Variants in ARHGEF33 observed in about 807,000 individuals in gnomAD.
The protein encoded by ARHGEF33 is DH and coiled-coil domain-containing protein ENSP00000381780.
Under a neutral mutation model 101.9 loss-of-function variants are expected in ARHGEF33, and 72 were observed. The observed-to-expected ratio is 0.71, with a 90% CI of 0.58 to 0.86. ARHGEF33 has a LOEUF of 0.86. ARHGEF33 is among the 40% of genes least tolerant of loss of function. The pLI is 0.00. For synonymous variants in ARHGEF33, 499 were observed against 442.5 expected, an observed-to-expected ratio of 1.13 and a Z score of -1.60; for missense variants, 1,169 against 1,111.3, an observed-to-expected ratio of 1.05 and a Z score of -0.74.
Position 38,890,374 on chromosome 2 carries a change from A to G in ARHGEF33, c.-159+388A>G, listed in dbSNP as rs1665969218. On this transcript the variant is annotated intron_variant, in intron 1 of 17. Coordinates refer to ENST00000409978, the MANE Select transcript of ARHGEF33 (RefSeq NM_001145451.5). Reference sequence around the variant, plus strand: ...TGGGATTAAGAATAATTAAAGAATGAAAAAGATTAGGGATGGAGGGAGATT... The same window carrying G: ...TGGGATTAAGAATAATTAAAGAATGGAAAAGATTAGGGATGGAGGGAGATT... Among the ~76,000 whole-genome samples, 2 of 152,204 alleles carry G rather than the reference A, an allele frequency of 1.3e-5. 1 individual carries two copies. The highest frequency in any genetic ancestry group is 1.3e-4 in the Admixed American group (2 of 15,278).
In ARHGEF33 at chr2:38,960,591, C is replaced by G. The variant is rs1341702571; in HGVS notation, c.2286C>G (p.Thr762=). Residue 762 remains threonine, a synonymous_variant, in exon 16 of 18, where the codon ACC becomes ACG. Coordinates refer to ENST00000409978, the MANE Select transcript of ARHGEF33 (RefSeq NM_001145451.5). ...AAVAARGASR[T]FFPQQRSQSE... ...TCGCCGCCCGCGGCGCATCCAGGAC[C>G]TTCTTCCCCCAACAGAGGTCCCAAA... 1.4e-6 allele frequency: 2 copies of G among 1,395,784 alleles called. No individual in the cohort carries two copies. Among genetic ancestry groups the G allele is most frequent in the South Asian group, 2.7e-5 (2 of 75,120 alleles). The allele number at this position is 1,395,784 out of a possible 1,614,324, so 86.5% of individuals were successfully genotyped here.
Position 38,919,491 on chromosome 2 carries a change from C to G in ARHGEF33, c.25+19C>G. The G allele has an allele frequency of 6.4e-7, 1 of 1,551,522 alleles. No individual in the cohort carries two copies. The highest frequency in any genetic ancestry group is 1.2e-5 in the South Asian group (1 of 84,034). On this transcript the variant is annotated intron_variant, in intron 3 of 17. Coordinates refer to ENST00000409978, the MANE Select transcript of ARHGEF33 (RefSeq NM_001145451.5). ...AAGCAAGGTCAGATTTTTCCTATGT[C>G]TTGCTTTAGGACTTAGGATTCAAGG...
chr2:38,900,002 C>A (rs556041620), intron 2 of ARHGEF33, among the ~76,000 whole-genome samples: 8 of 149,266 alleles, frequency 5.4e-5, no homozygotes, highest in South Asian at 2.2e-4. Flanking sequence ...CCAGCCTGGG[C>A]AAGAAAGTGA....
chr2:38,964,885 C>T (rs1668020207), intron 16 of ARHGEF33, among the ~76,000 whole-genome samples: 1 of 152,082 alleles, frequency 6.6e-6, no homozygotes, highest in African/African-American at 2.4e-5. Flanking sequence ...GCTCAAGAAG[C>T]TACATTTTAA....
At chr2:38,924,352 C>G (rs191660755) in intron 4 of ARHGEF33, among the ~76,000 whole-genome samples, 1 of 152,172 alleles carries the variant, frequency 6.6e-6, no homozygotes, top group Non-Finnish European at 1.5e-5. Flanking sequence ...GCACATACCC[C>G]TCTCAAAGTC....
At chr2:38,938,830 A>G (rs1667223931) in intron 9 of ARHGEF33, among the ~76,000 whole-genome samples, 1 of 152,210 alleles carries the variant, frequency 6.6e-6, no homozygotes, top group Non-Finnish European at 1.5e-5. Context: ...GGAATAACAC[A>G]GTGTACTCTT....
intron 16 of ARHGEF33, among the ~76,000 whole-genome samples, chr2:38,962,578 A>C (rs1667968371): frequency 6.6e-6 from 1 of 152,194 alleles, no homozygotes; most frequent in African/African-American, 2.4e-5. Flanking sequence ...GTCAGTTCAA[A>C]ATGAGATACC....
At chr2:38,964,881 G>A (rs1039801035) in intron 16 of ARHGEF33, among the ~76,000 whole-genome samples, 3 of 152,108 alleles carry the variant, frequency 2.0e-5, no homozygotes, top group African/African-American at 7.2e-5. Flanking sequence ...TGGGGCTCAA[G>A]AAGCTACATT....
chr2:38,955,111 C>G (rs1667706541), intron 13 of ARHGEF33, among the ~76,000 whole-genome samples: 1 of 152,176 alleles, frequency 6.6e-6, no homozygotes, highest in African/African-American at 2.4e-5. Context: ...CTAAATGCCA[C>G]CACCTGACAT....
rs1051519278 is a variant in ARHGEF33 at position 38,960,348 on chromosome 2, G to C, written c.2043G>C (p.Thr681=). The part of the protein sequence containing the change: ...HPLQPLPKSA[T]SPAGSSSAYK... ...TGCAGCCGCTGCCCAAGAGCGCTAC[G>C]TCGCCGGCGGGCAGCAGCAGCGCCT... The change falls in exon 16 of 18, where the codon ACG becomes ACC. Residue 681 remains threonine, a synonymous_variant. Transcript: ENST00000409978. The C allele has an allele frequency of 1.8e-5, 27 of 1,533,148 alleles. No individual in the cohort carries two copies. The African/African-American group carries it at 3.0e-4, about 17-fold the overall frequency. 95.0% of individuals were successfully genotyped at this position (1,533,148 alleles called of 1,614,324 possible). A position where few individuals can be genotyped will look rare whatever the true frequency, so the allele number is the denominator to read the frequency against.
chr2:38,956,171 G>A (rs890493326), intron 13 of ARHGEF33, among the ~76,000 whole-genome samples: 1 of 152,102 alleles, frequency 6.6e-6, no homozygotes, highest in Non-Finnish European at 1.5e-5. Flanking sequence ...CTGAAACCCA[G>A]GTTTTGCAAA....
At chr2:38,954,337 A>C in intron 12 of ARHGEF33, 36 bp from the exon 13 acceptor site, 1 of 1,281,048 alleles carries the variant, frequency 7.8e-7, no homozygotes, top group South Asian at 1.3e-5. Flanking sequence ...CAGCTGGAGG[A>C]ACACTGAAGA....
At chr2:38,953,992 C>A (rs1056597194) in intron 12 of ARHGEF33, among the ~76,000 whole-genome samples, 1 of 152,232 alleles carries the variant, frequency 6.6e-6, no homozygotes, top group African/African-American at 2.4e-5. Context: ...TCCTGAAGCG[C>A]CAAGTCTCCC....
intron 17 of ARHGEF33, among the ~76,000 whole-genome samples, chr2:38,967,828 C>T (rs573887983): frequency 6.6e-6 from 1 of 151,140 alleles, no homozygotes; most frequent in Non-Finnish European, 1.5e-5. Flanking sequence ...GATCCATCTG[C>T]CTCGGCCTCC....
rs769895530 is a variant in ARHGEF33, at chr2:38,929,082, C to T, written c.240+11C>T. 1.6e-4 allele frequency: 253 copies of T among 1,539,544 alleles called. No individual in the cohort carries two copies. Among genetic ancestry groups the T allele is most frequent in the Non-Finnish European group, 2.1e-4 (237 of 1,141,916 alleles). On this transcript the variant is annotated intron_variant, in intron 5 of 17. Transcript: ENST00000409978. Reference sequence around the variant, plus strand: ...TTAAACTATTTCAAGGTAGGCCTCTCTTTAATTTCCCTGCTGACAAGAGAA... The same window carrying T: ...TTAAACTATTTCAAGGTAGGCCTCTTTTTAATTTCCCTGCTGACAAGAGAA...
intron 2 of ARHGEF33, among the ~76,000 whole-genome samples, chr2:38,899,069 A>G (rs1666184610): frequency 6.6e-6 from 1 of 152,096 alleles, no homozygotes; most frequent in Non-Finnish European, 1.5e-5. Flanking sequence ...TAATACGAAT[A>G]AATAAACTTC....
intron 11 of ARHGEF33, among the ~76,000 whole-genome samples, chr2:38,952,236 T>C (rs911303240): frequency 5.3e-5 from 8 of 152,234 alleles, no homozygotes; most frequent in Non-Finnish European, 7.3e-5. Flanking sequence ...CAATACAAAG[T>C]TTACAAATTA....
chr2:38,954,216 A>G (rs1667684462), intron 12 of ARHGEF33, among the ~76,000 whole-genome samples, 157 bp from the exon 13 acceptor site: 1 of 152,246 alleles, frequency 6.6e-6, no homozygotes, highest in African/African-American at 2.4e-5. Flanking sequence ...GTCCCTGAAC[A>G]TGTGGCCTCT....
At chr2:38,900,605 G>A (rs1054745259) in intron 2 of ARHGEF33, among the ~76,000 whole-genome samples, 4 of 152,172 alleles carry the variant, frequency 2.6e-5, no homozygotes, top group African/African-American at 9.7e-5. Flanking sequence ...ATCAACCAAT[G>A]TCTAATTGGC....
Sources: allele counts gnomAD v4.1 joint callset (sites outside exome capture counted in the v4.1 genomes callset), GRCh38; gene constraint gnomAD v4.1.1; transcripts MANE v1.5; gene names NCBI Gene and HGNC (gene_info 2026-07-23, HGNC 2026-07-21).